MAP4K3: variants seen among roughly 807,000 people sequenced by gnomAD.
MAP4K3 encodes MAPK/ERK kinase kinase kinase 3.
A neutral mutation model predicts 143.5 loss-of-function variants in MAP4K3; 94 were observed. The ratio of observed to expected loss-of-function variants is 0.65; its 90% CI spans 0.55 to 0.78. The LOEUF (loss-of-function observed/expected upper bound fraction) is 0.78. Ranked by LOEUF, MAP4K3 falls within the 30% of genes least tolerant of loss-of-function variation. The pLI is 0.00. For synonymous variants in MAP4K3, 416 were observed against 347.2 expected (o/e 1.20, Z -2.20); for missense variants, 1,077 against 1,068.1 (o/e 1.01, Z -0.12).
chr2:39,342,730 A>G (rs55737728), intron 4 of MAP4K3, among the ~76,000 whole-genome samples: 2,353 of 152,308 alleles, frequency 0.015, 61 homozygotes, highest in African/African-American at 0.054. Context: ...ACACTAGAAA[A>G]TAGGAGCCCA....
chr2:39,347,230 A>G (rs1468104472), intron 3 of MAP4K3, among the ~76,000 whole-genome samples: 7 of 152,184 alleles, frequency 4.6e-5, no homozygotes, highest in Non-Finnish European at 2.9e-5. Flanking sequence ...AATTTCTAAT[A>G]TGGTAAATAT....
At chr2:39,397,428 G>A (rs542122796) in intron 1 of MAP4K3, among the ~76,000 whole-genome samples, 1 of 152,068 alleles carries the variant, frequency 6.6e-6, no homozygotes, top group Non-Finnish European at 1.5e-5. Context: ...AATCACAAAT[G>A]TGCAAACTTA....
intron 1 of MAP4K3, among the ~76,000 whole-genome samples, chr2:39,432,367 G>A (rs952012522): frequency 8.5e-5 from 13 of 152,136 alleles, no homozygotes; most frequent in South Asian, 2.1e-4. Flanking sequence ...AAATTACCTC[G>A]CTACCTGTTT....
chr2:39,388,204 G>C (rs1666561577), intron 1 of MAP4K3, among the ~76,000 whole-genome samples: 1 of 152,150 alleles, frequency 6.6e-6, no homozygotes, highest in Non-Finnish European at 1.5e-5. Context: ...CACTATAGAA[G>C]CAATAGCAGC....
Position 39,343,507 on chromosome 2 carries a change from G to C in MAP4K3, c.246-55C>G, listed in dbSNP as rs1327855844. 2.1e-6 allele frequency: 3 copies of C among 1,407,112 alleles called. No homozygotes were observed. The African/African-American group carries it at 4.3e-5, about 20-fold the overall frequency. 87.2% of individuals were successfully genotyped at this position (1,407,112 alleles called of 1,614,324 possible). ...TTTTCATGATTAAAACTGTCTGTGT[G>C]AGGTAACAAGTATTTTAAGGTTGTA... On this transcript the variant is annotated intron_variant, in intron 3 of 33. Transcript: ENST00000263881.
chr2:39,299,747 T>C lies in MAP4K3; in HGVS notation c.1174A>G (p.Asn392Asp), dbSNP rs143085584. Residue 392 changes from asparagine (N) to aspartate (D), a missense_variant, in exon 16 of 34, where the codon AAC becomes GAC. Around this residue, in one of 2 missense-constraint regions of MAP4K3, gnomAD observed 864 missense variants for 801.2 expected, o/e 1.08. Transcript: ENST00000263881. ...GHQGGYFLGA[N>D]KSLLKSVEEE... The stretch of plus-strand genomic sequence containing the variant: ...TTTTAAAAGAACTTTACTTACTTGT[T>C]TGCACCTAAAAAGTAACCACCTTGG... The C allele has an allele frequency of 6.1e-5, 95 of 1,561,078 alleles. No individual in the cohort carries two copies. Among genetic ancestry groups the C allele is most frequent in the East Asian group, 6.9e-5 (3 of 43,784 alleles).
chr2:39,392,948 C>A (rs539918004), intron 1 of MAP4K3, among the ~76,000 whole-genome samples: 1 of 152,314 alleles, frequency 6.6e-6, no homozygotes, highest in East Asian at 1.9e-4. Flanking sequence ...TACCCAGTCT[C>A]AGGTATTCCA....
rs1680490216 is a variant in MAP4K3 at position 39,259,756 on chromosome 2, AATT to A, written c.2308+847_2308+849del. Among the ~76,000 whole-genome samples, 7 of 152,334 alleles carry A rather than the reference AATT, an allele frequency of 4.6e-5. 1 individual carries two copies. The highest frequency in any genetic ancestry group is 4.6e-4 in the Admixed American group (7 of 15,302). ...TATTAAAAATATTTGAGTCTATATA[AATT>A]ATTTCCCTTTTGTTTGAAGAAAAAA... On this transcript the variant is annotated intron_variant, in intron 29 of 33. Coordinates refer to ENST00000263881, the MANE Select transcript of MAP4K3 (RefSeq NM_003618.4).
chr2:39,268,098 A>C (rs1247263656), intron 26 of MAP4K3, among the ~76,000 whole-genome samples: 1 of 152,172 alleles, frequency 6.6e-6, no homozygotes, highest in East Asian at 1.9e-4. Context: ...CTACTCAGGA[A>C]AAGTGGGATA....
intron 26 of MAP4K3, among the ~76,000 whole-genome samples, chr2:39,271,419 TA>T (rs1444835533): frequency 2.0e-5 from 3 of 152,094 alleles, no homozygotes; most frequent in African/African-American, 7.2e-5. Flanking sequence ...ACAAATATTA[TA>T]AAAAAGAATA....
At chr2:39,282,322 ACT>A (rs1388197092) in intron 22 of MAP4K3, among the ~76,000 whole-genome samples, 189 bp downstream of exon 22, 2 of 152,184 alleles carry the variant, frequency 1.3e-5, no homozygotes, top group Non-Finnish European at 2.9e-5. Context: ...ACATGGTGAA[ACT>A]CTGTCTCTAT....
chr2:39,348,365 G>A (rs989425410), intron 3 of MAP4K3, among the ~76,000 whole-genome samples: 2 of 151,854 alleles, frequency 1.3e-5, no homozygotes, highest in African/African-American at 4.8e-5. Flanking sequence ...CGACTATATA[G>A]TAATACTTTA....
intron 15 of MAP4K3, among the ~76,000 whole-genome samples, chr2:39,307,224 G>T (rs1682742910): frequency 6.6e-6 from 1 of 152,072 alleles, no homozygotes; most frequent in Admixed American, 6.5e-5. Context: ...TGGGGCTCTC[G>T]CCAACCACAG....
chr2:39,342,489 ATTTTC>A (rs1665172542), intron 4 of MAP4K3, among the ~76,000 whole-genome samples: 1 of 152,028 alleles, frequency 6.6e-6, no homozygotes, highest in Non-Finnish European at 1.5e-5. Context: ...TAAGTAGCTT[ATTTTC>A]TTTATTAAGT....
At chr2:39,252,433 A>T (rs143176517) in intron 32 of MAP4K3, among the ~76,000 whole-genome samples, 8 of 152,258 alleles carry the variant, frequency 5.3e-5, no homozygotes, top group Admixed American at 1.3e-4. Context: ...CAGTGTTCTT[A>T]TAAGGATTAG....
chr2:39,319,886 T>C (rs1408774106), intron 12 of MAP4K3, among the ~76,000 whole-genome samples: 2 of 152,240 alleles, frequency 1.3e-5, no homozygotes, highest in African/African-American at 4.8e-5. Context: ...AAAGCTAGTG[T>C]ATTCAAACAT....
chr2:39,352,151 T>C (rs1354320918), intron 3 of MAP4K3, among the ~76,000 whole-genome samples: 2 of 151,918 alleles, frequency 1.3e-5, no homozygotes, highest in Non-Finnish European at 2.9e-5. Context: ...ATTAGCTGGG[T>C]GTGGTAGCGT....
chr2:39,436,602 C>CA (rs1665489576), intron 1 of MAP4K3: 1 of 442,948 alleles, frequency 2.3e-6, no homozygotes. Flanking sequence ...TATGGATGAG[C>CA]AGTGTGGCCT....
At chr2:39,331,863 C>T in intron 8 of MAP4K3, 54 bp downstream of exon 8, 1 of 1,154,516 alleles carries the variant, frequency 8.7e-7, no homozygotes, top group Non-Finnish European at 1.2e-6. Context: ...TTTAGAAATG[C>T]TATATCCAAT....
Sources: allele counts gnomAD v4.1 joint callset (sites outside exome capture counted in the v4.1 genomes callset), GRCh38; gene constraint gnomAD v4.1.1; regional missense constraint gnomAD v4.1.1; transcripts MANE v1.5; gene names NCBI Gene and HGNC (gene_info 2026-07-23, HGNC 2026-07-21).